Variants in DIPK2A observed in about 807,000 individuals in gnomAD.
DIPK2A encodes the protein Golgi Protein of 49 kDa.
A neutral mutation model predicts 39.0 loss-of-function variants in DIPK2A; 27 were observed. That is an observed-to-expected ratio of 0.69 (90% CI 0.51 to 0.96). The LOEUF (loss-of-function observed/expected upper bound fraction) is 0.96. Ranked by LOEUF, DIPK2A falls within the 40% of genes least tolerant of loss-of-function variation. The pLI is 0.00. For missense variants in DIPK2A, 528 were observed against 571.3 expected, an observed-to-expected ratio of 0.92 and a Z score of 0.77; for synonymous variants, 298 against 240.8, an observed-to-expected ratio of 1.24 and a Z score of -2.20.
chr3:143,988,851 C>T (rs1469972042), intron 2 of DIPK2A, among the ~76,000 whole-genome samples: 1 of 152,172 alleles, frequency 6.6e-6, no homozygotes, highest in Non-Finnish European at 1.5e-5. Flanking sequence ...TCCAATCTAG[C>T]TTTTCATTCT....
rs1414622462 is a variant in DIPK2A, at chr3:143,972,453, C to T, written c.121C>T (p.Arg41Cys). 1 of 1,598,918 alleles carries T rather than the reference C, an allele frequency of 6.3e-7. No individual in the cohort carries two copies. Among genetic ancestry groups the T allele is most frequent in the East Asian group, 2.2e-5 (1 of 44,502 alleles). Residue 41 changes from arginine to cysteine, a missense_variant, in exon 1 of 3, where the codon CGC (arginine) becomes TGC (cysteine). Coordinates refer to ENST00000315691, the MANE Select transcript of DIPK2A (RefSeq NM_173552.5). The stretch of plus-strand genomic sequence containing the variant: ...GCCGTCGCTGCTCGCCTCTTGGCAG[C>T]GCAACGAACTGACCGACCGGCGCTT... ...HSPSLLASWQ[R>C]NELTDRRFLQ...
At chr3:143,973,235 G>C in intron 1 of DIPK2A, 1 of 1,140,810 alleles carries the variant, frequency 8.8e-7, no homozygotes, top group Non-Finnish European at 1.3e-6. Context: ...TTTGACTGTG[G>C]ATCTTTCAAC....
intron 1 of DIPK2A, chr3:143,978,323 G>GT: frequency 6.6e-6 from 1 of 152,392 alleles, no homozygotes; most frequent in South Asian, 2.1e-4. Flanking sequence ...GTAAATGGTT[G>GT]TAACATGACT....
At chr3:143,977,261 T>C (rs1406539063) in intron 1 of DIPK2A, among the ~76,000 whole-genome samples, 1 of 152,100 alleles carries the variant, frequency 6.6e-6, no homozygotes, top group Non-Finnish European at 1.5e-5. Flanking sequence ...ATGAAGCTAT[T>C]GGATTAGATC....
intron 1 of DIPK2A, among the ~76,000 whole-genome samples, chr3:143,984,640 G>A (rs1559856116): frequency 2.0e-5 from 3 of 151,880 alleles, no homozygotes; most frequent in Non-Finnish European, 4.4e-5. Context: ...GATAAAGCCT[G>A]TTATTTTACT....
At chr3:143,988,559 A>G (rs998818774) in intron 2 of DIPK2A, among the ~76,000 whole-genome samples, 6 of 151,872 alleles carry the variant, frequency 4.0e-5, no homozygotes, top group African/African-American at 9.7e-5. Flanking sequence ...CTTCTTCCCT[A>G]TACAGCTAGC....
chr3:143,988,851 C>CT (rs1460209227), intron 2 of DIPK2A, among the ~76,000 whole-genome samples: 16 of 152,290 alleles, frequency 1.1e-4, no homozygotes, highest in African/African-American at 3.9e-4. Flanking sequence ...TCCAATCTAG[C>CT]TTTTCATTCT....
At chr3:143,984,772 T>C (rs958322421) in intron 1 of DIPK2A, among the ~76,000 whole-genome samples, 2 of 152,140 alleles carry the variant, frequency 1.3e-5, no homozygotes, top group African/African-American at 4.8e-5. Flanking sequence ...ATTTTGAGGC[T>C]AGGCCAAGGA....
chr3:143,988,102 T>A (rs2087931125), intron 2 of DIPK2A, among the ~76,000 whole-genome samples: 1 of 137,350 alleles, frequency 7.3e-6, no homozygotes, highest in South Asian at 2.2e-4. Flanking sequence ...CTTCTGATCC[T>A]TTTTTTTTTT....
intron 1 of DIPK2A, among the ~76,000 whole-genome samples, chr3:143,983,951 C>T (rs1484312172): frequency 6.6e-6 from 1 of 152,204 alleles, no homozygotes; most frequent in Non-Finnish European, 1.5e-5. Context: ...ATTATCTTAG[C>T]TAGATCTTCT....
rs761638940 is a variant in DIPK2A, at chr3:143,972,721, C to T, written c.389C>T (p.Thr130Ile). Residue 130 changes from threonine to isoleucine, a missense_variant, in exon 1 of 3, where the codon ACC (threonine) becomes ATC (isoleucine). By Grantham distance (89) the Thr-to-Ile change is moderately conservative. Around this residue, in one of 2 missense-constraint regions of DIPK2A, gnomAD observed 309 missense variants for 289.8 expected, o/e 1.07. Coordinates refer to ENST00000315691, the MANE Select transcript of DIPK2A (RefSeq NM_173552.5). ...QLDQSICKRA[T>I]GRPRCDLLQA... Reference sequence around the variant, plus strand: ...GACCAGAGCATCTGCAAGCGGGCCACCGGCCGGCCCCGCTGCGACCTGCTG... The same window carrying T: ...GACCAGAGCATCTGCAAGCGGGCCATCGGCCGGCCCCGCTGCGACCTGCTG... The T allele has an allele frequency of 5.7e-6, 9 of 1,591,882 alleles. No homozygotes were observed. The highest frequency in any genetic ancestry group is 7.7e-6 in the Non-Finnish European group (9 of 1,171,302).
At chr3:143,978,636 A>ATC (rs2087772107) in intron 1 of DIPK2A, 1 of 35,956 alleles carries the variant, frequency 2.8e-5, no homozygotes, top group Admixed American at 2.9e-4. Context: ...ATATATATAT[A>ATC]TATCTATATA....
chr3:143,976,725 A>G (rs2087735678), intron 1 of DIPK2A, among the ~76,000 whole-genome samples: 1 of 151,838 alleles, frequency 6.6e-6, no homozygotes, highest in Admixed American at 6.6e-5. Context: ...TATTTGTGGA[A>G]CTTCATTTGC....
chr3:143,975,403 A>C (rs955729851), intron 1 of DIPK2A, among the ~76,000 whole-genome samples: 21 of 152,100 alleles, frequency 1.4e-4, no homozygotes, highest in Non-Finnish European at 2.6e-4. Context: ...GAATCACTTG[A>C]TCTTTGGAAA....
chr3:143,973,674 A>G (rs2087689867), intron 1 of DIPK2A: 10 of 764,442 alleles, frequency 1.3e-5, no homozygotes, highest in South Asian at 8.1e-5. Context: ...AGACGTTTTC[A>G]TCCTGATCCT....
At chr3:143,985,188 T>A (rs1359337763) in intron 1 of DIPK2A, among the ~76,000 whole-genome samples, 1 of 152,216 alleles carries the variant, frequency 6.6e-6, no homozygotes, top group African/African-American at 2.4e-5. Flanking sequence ...ATAAAAGGAT[T>A]GGTTGATTAC....
At position 143,979,250 on chromosome 3, in the gene DIPK2A, G is replaced by A. The variant is rs531501791; in HGVS notation, c.657+6261G>A. On this transcript the variant is annotated intron_variant, in intron 1 of 2. Coordinates refer to ENST00000315691, the MANE Select transcript of DIPK2A (RefSeq NM_173552.5). ...AAAATAGTAGTTTAAAAGGGGATTA[G>A]GGATTTGTCTCATATGAAGTGTAAT... Among the ~76,000 whole-genome samples the A allele has an allele frequency of 2.6e-5, 4 of 152,248 alleles. No individual in the cohort carries two copies. In the South Asian group the frequency reaches 8.3e-4, roughly 32 times the overall value.
chr3:143,976,556 G>GTGTGAGAC (rs1559853356), intron 1 of DIPK2A, among the ~76,000 whole-genome samples: 11 of 105,514 alleles, frequency 1.0e-4, no homozygotes, highest in African/African-American at 6.7e-4. Flanking sequence ...GTGTGTGTGT[G>GTGTGAGAC]AGAGAGAGAG....
chr3:143,978,491 C>T (rs2087761861), intron 1 of DIPK2A: 1 of 151,828 alleles, frequency 6.6e-6, no homozygotes, highest in Non-Finnish European at 1.5e-5. Flanking sequence ...GGAAAGATGG[C>T]CGTAGGAAAC....
Sources: gnomAD v4.1 joint callset for allele counts (sites outside exome capture counted in the v4.1 genomes callset) on GRCh38, gnomAD v4.1.1 for gene constraint, gnomAD v4.1.1 regional missense constraint, MANE v1.5 for transcripts, NCBI Gene and HGNC (gene_info 2026-07-23, HGNC 2026-07-21) for gene names.